The following DNAH8 variants were observed in gnomAD, a reference collection of about 807,000 sequenced individuals.
DNAH8 encodes the protein dynein axonemal heavy chain 8.
In DNAH8, 382 loss-of-function variants were observed where a neutral mutation model predicts 562.1. The ratio of observed to expected loss-of-function variants is 0.68; its 90% CI spans 0.63 to 0.74. The LOEUF (loss-of-function observed/expected upper bound fraction) is 0.74. Ranked by LOEUF, DNAH8 falls within the 30% of genes least tolerant of loss-of-function variation. The probability of loss-of-function intolerance (pLI) is 0.00; values close to 1 mark genes in which losing one functional copy is unlikely to be tolerated. For missense variants in DNAH8, 5,203 were observed against 5,620.4 expected, an observed-to-expected ratio of 0.93 and a Z score of 2.37; for synonymous variants, 1,881 against 1,919.4, an observed-to-expected ratio of 0.98 and a Z score of 0.52.
chr6:38,914,460 G>T (rs1201514181), intron 67 of DNAH8, among the ~76,000 whole-genome samples: 1 of 141,932 alleles, frequency 7.0e-6, no homozygotes, highest in Non-Finnish European at 1.5e-5. Flanking sequence ...GAGTGCAGTG[G>T]CGTGATCTCG....
chr6:38,921,303 A>T (rs1583356656), intron 70 of DNAH8, 66 bp from the exon 71 acceptor site: 2 of 1,552,816 alleles, frequency 1.3e-6, no homozygotes, highest in South Asian at 2.5e-5. Context: ...GATTTGTGTT[A>T]TCTACCAGTT....
intron 21 of DNAH8, among the ~76,000 whole-genome samples, chr6:38,798,338 A>C (rs1474583262): frequency 1.3e-5 from 2 of 152,172 alleles, no homozygotes; most frequent in African/African-American, 4.8e-5. Context: ...AATCAATATA[A>C]CTGTCTCCTA....
intron 71 of DNAH8, 92 bp downstream of exon 71, chr6:38,921,598 G>T (rs964073258): frequency 7.1e-7 from 1 of 1,406,922 alleles, no homozygotes; most frequent in African/African-American, 1.5e-5. Flanking sequence ...TGGTTGTGAT[G>T]AAAAAATATT....
At chr6:38,906,941 C>G (rs919596129) in intron 63 of DNAH8, among the ~76,000 whole-genome samples, 1 of 152,148 alleles carries the variant, frequency 6.6e-6, no homozygotes, top group Non-Finnish European at 1.5e-5. Flanking sequence ...AGGACATGCT[C>G]ATTATTGGAG....
chr6:38,903,831 T>G (rs1780251195), intron 62 of DNAH8, among the ~76,000 whole-genome samples: 1 of 151,874 alleles, frequency 6.6e-6, no homozygotes. Context: ...AGGCTGGTCT[T>G]GAACTCCTGA....
chr6:38,760,457 A>C (rs1341252679), intron 10 of DNAH8, among the ~76,000 whole-genome samples: 1 of 117,172 alleles, frequency 8.5e-6, no homozygotes, highest in Non-Finnish European at 2.1e-5. Context: ...CTAAAATCTC[A>C]AACTTTTTTT....
chr6:38,943,650 AT>A (rs1448561130), intron 79 of DNAH8, among the ~76,000 whole-genome samples: 1 of 152,134 alleles, frequency 6.6e-6, no homozygotes, highest in Non-Finnish European at 1.5e-5. Context: ...CTGTCTGGTT[AT>A]TTTAGAAAGA....
chr6:38,904,703 A>T (rs1346072585), intron 62 of DNAH8, among the ~76,000 whole-genome samples: 2 of 151,074 alleles, frequency 1.3e-5, no homozygotes, highest in Non-Finnish European at 2.9e-5. Flanking sequence ...GAGGCAGGAG[A>T]ATCGCTTGTA....
intron 52 of DNAH8, 122 bp from the exon 53 acceptor site, chr6:38,875,469 A>C: frequency 1.6e-6 from 1 of 609,270 alleles, no homozygotes; most frequent in East Asian, 3.0e-5. Flanking sequence ...TGATCAAGCA[A>C]TAGCTTGAGA....
intron 92 of DNAH8, among the ~76,000 whole-genome samples, chr6:39,029,445 C>T (rs1404370141): frequency 6.6e-6 from 1 of 152,188 alleles, no homozygotes; most frequent in Non-Finnish European, 1.5e-5. Context: ...GTGTGTGCTG[C>T]TATTCAATTC....
At chr6:38,961,649 T>A (rs1417220185) in intron 82 of DNAH8, among the ~76,000 whole-genome samples, 10 of 152,010 alleles carry the variant, frequency 6.6e-5, no homozygotes. Context: ...TTATAAAAAT[T>A]CAACACTTAT....
At chr6:39,007,675 GCTC>G (rs1262799979) in intron 88 of DNAH8, among the ~76,000 whole-genome samples, 3 of 151,930 alleles carry the variant, frequency 2.0e-5, no homozygotes, top group African/African-American at 7.3e-5. Context: ...TGTCCTTGTC[GCTC>G]CTCCTAGCTC....
intron 3 of DNAH8, 59 bp from the exon 4 acceptor site, chr6:38,729,843 C>A: frequency 2.1e-6 from 2 of 932,612 alleles, no homozygotes; most frequent in Non-Finnish European, 3.3e-6. Context: ...TCTTCATCTG[C>A]AAAATACTAA....
At chr6:38,987,036 G>A (rs1653032224) in intron 87 of DNAH8, among the ~76,000 whole-genome samples, 1 of 152,218 alleles carries the variant, frequency 6.6e-6, no homozygotes, top group South Asian at 2.1e-4. Context: ...TTGAATAGAA[G>A]AACGAATGCA....
chr6:38,799,336 G>A lies in DNAH8; in HGVS notation c.2902-3843G>A, dbSNP rs1770572788. Reference sequence around the variant, plus strand: ...GATTCCATGCCTACCTGTCTTCTCGGTGACCTTGTTCCGCCAGTTTTCCTT... The same window carrying A: ...GATTCCATGCCTACCTGTCTTCTCGATGACCTTGTTCCGCCAGTTTTCCTT... On this transcript the variant is annotated intron_variant, in intron 21 of 92. Transcript: ENST00000327475. 2.6e-5 allele frequency among the ~76,000 whole-genome samples: 4 copies of A among 151,800 alleles called. 1 individual carries two copies. In the South Asian group the frequency reaches 8.4e-4, roughly 32 times the overall value.
In DNAH8 at chr6:38,870,547, C is replaced by G. The variant is rs773021493; in HGVS notation, c.6975C>G (p.Asn2325Lys). The change falls in exon 49 of 93, where the codon AAC becomes AAG. Residue 2325 changes from asparagine to lysine, a missense_variant. Physicochemically the swap from Asn to Lys is moderately conservative, Grantham distance 94 (BLOSUM62 0). Transcript: ENST00000327475. ...GTTTGATTAACCATCCACCCTGGAA[C>G]CTGAAACTCGTGCAGGTAAAGACAT... The part of the protein sequence containing the change: ...IEGLINHPPW[N>K]LKLVQLYETS... The G allele has an allele frequency of 6.2e-7, 1 of 1,613,810 alleles. No individual in the cohort carries two copies. Among genetic ancestry groups the G allele is most frequent in the Admixed American group, 1.7e-5 (1 of 60,002 alleles).
intron 30 of DNAH8, among the ~76,000 whole-genome samples, chr6:38,831,807 A>G (rs1169869783): frequency 6.6e-6 from 1 of 152,248 alleles, no homozygotes; most frequent in Non-Finnish European, 1.5e-5. Context: ...GAGTTAACAT[A>G]TATAAAGAGC....
chr6:38,913,973 T>C, intron 67 of DNAH8, 21 bp downstream of exon 67: 1 of 1,558,278 alleles, frequency 6.4e-7, no homozygotes, highest in Non-Finnish European at 8.8e-7. Context: ...ATTTATTTTA[T>C]CACTGATGAG....
chr6:38,791,754 G>A, intron 21 of DNAH8, 80 bp downstream of exon 21: 3 of 1,453,098 alleles, frequency 2.1e-6, no homozygotes, highest in East Asian at 4.8e-5. Flanking sequence ...TCTAAAAGTA[G>A]AAACCTGGGT....
Sources: gnomAD v4.1 joint callset for allele counts (sites outside exome capture counted in the v4.1 genomes callset) on GRCh38, gnomAD v4.1.1 for gene constraint, MANE v1.5 for transcripts, NCBI Gene and HGNC (gene_info 2026-07-23, HGNC 2026-07-21) for gene names.